The following AGBL4 variants were observed in gnomAD, a reference collection of about 807,000 sequenced individuals.
The protein encoded by AGBL4 is AGBL carboxypeptidase 4, also known as cytosolic carboxypeptidase 6.
A neutral mutation model predicts 66.4 loss-of-function variants in AGBL4; 58 were observed. The ratio of observed to expected loss-of-function variants is 0.87; its 90% CI spans 0.71 to 1.09. The LOEUF (loss-of-function observed/expected upper bound fraction) is 1.09. Ranked by LOEUF, AGBL4 falls within the 50% of genes least tolerant of loss-of-function variation. The probability of loss-of-function intolerance (pLI) is 0.00; values close to 1 mark genes in which losing one functional copy is unlikely to be tolerated. For missense variants in AGBL4, 579 were observed against 631.0 expected (o/e 0.92, Z 0.88); for synonymous variants, 234 against 222.9 (o/e 1.05, Z -0.44).
At chr1:49,389,101 C>T (rs1644796274) in intron 3 of AGBL4, among the ~76,000 whole-genome samples, 1 of 152,066 alleles carries the variant, frequency 6.6e-6, no homozygotes, top group African/African-American at 2.4e-5. Flanking sequence ...AATTGGCTTG[C>T]TTGAAGGTCC....
chr1:49,466,284 CAGTA>C (rs1646629677), intron 3 of AGBL4, among the ~76,000 whole-genome samples: 1 of 151,870 alleles, frequency 6.6e-6, no homozygotes, highest in African/African-American at 2.4e-5. Flanking sequence ...CATTCATAGG[CAGTA>C]CAGAAAACAG....
At chr1:48,894,102 C>T (rs979307341) in intron 5 of AGBL4, among the ~76,000 whole-genome samples, 8 of 152,170 alleles carry the variant, frequency 5.3e-5, no homozygotes, top group Admixed American at 5.2e-4. Context: ...TAGTCGACTT[C>T]AAAATGTGCA....
At chr1:49,227,346 C>T (rs948697359) in intron 4 of AGBL4, among the ~76,000 whole-genome samples, 4 of 152,186 alleles carry the variant, frequency 2.6e-5, no homozygotes, top group Non-Finnish European at 4.4e-5. Context: ...TTCTTCCTTG[C>T]TATCCCTGGT....
intron 5 of AGBL4, among the ~76,000 whole-genome samples, chr1:48,899,034 C>A (rs1031282647): frequency 1.4e-4 from 21 of 152,362 alleles, no homozygotes; most frequent in African/African-American, 3.8e-4. Flanking sequence ...GAACCTTGGA[C>A]GTGGCGGGGC....
intron 6 of AGBL4, among the ~76,000 whole-genome samples, chr1:48,773,920 G>C (rs1046699086): frequency 6.6e-6 from 1 of 152,210 alleles, no homozygotes; most frequent in African/African-American, 2.4e-5. Context: ...GTTTTTCCTT[G>C]AACTGGGATT....
At chr1:49,668,901 A>G (rs1646421244) in intron 3 of AGBL4, among the ~76,000 whole-genome samples, 1 of 152,202 alleles carries the variant, frequency 6.6e-6, no homozygotes, top group South Asian at 2.1e-4. Flanking sequence ...ACCCAGAGCT[A>G]TACTGGGGTG....
intron 7 of AGBL4, among the ~76,000 whole-genome samples, chr1:48,660,820 A>G: frequency 7.2e-6 from 1 of 138,648 alleles, no homozygotes; most frequent in East Asian, 2.0e-4. Flanking sequence ...ATGCACATCA[A>G]TTGTTGTGGG....
chr1:49,635,528 C>T (rs1235073579), intron 3 of AGBL4, among the ~76,000 whole-genome samples: 2 of 152,124 alleles, frequency 1.3e-5, no homozygotes, highest in Non-Finnish European at 2.9e-5. Flanking sequence ...ATTAAGAACT[C>T]TCCAAATCCG....
chr1:49,753,716 A>T (rs1571490368), intron 2 of AGBL4, among the ~76,000 whole-genome samples: 2 of 152,160 alleles, frequency 1.3e-5, no homozygotes, highest in East Asian at 3.9e-4. Flanking sequence ...AATCAAATGT[A>T]GGTCTGGTCT....
intron 3 of AGBL4, among the ~76,000 whole-genome samples, chr1:49,457,345 T>C (rs977744255): frequency 7.9e-5 from 12 of 151,876 alleles, no homozygotes; most frequent in Non-Finnish European, 1.6e-4. Context: ...CATTTTTCCA[T>C]ATGCTCATTA....
intron 1 of AGBL4, among the ~76,000 whole-genome samples, chr1:49,917,056 G>A (rs556220050): frequency 6.6e-6 from 1 of 152,022 alleles, no homozygotes; most frequent in Non-Finnish European, 1.5e-5. Context: ...GTCACCACCA[G>A]GCCTGCCCAA....
At chr1:48,591,089 C>T in intron 9 of AGBL4, 104 bp from the exon 10 acceptor site, 1 of 685,124 alleles carries the variant, frequency 1.5e-6, no homozygotes, top group South Asian at 2.1e-5. Flanking sequence ...CACACCCACC[C>T]ACCCCCCCCC....
At chr1:49,939,516 T>G (rs1654507335) in intron 1 of AGBL4, among the ~76,000 whole-genome samples, 2 of 151,476 alleles carry the variant, frequency 1.3e-5, no homozygotes, top group Admixed American at 1.3e-4. Context: ...TATAGATCAA[T>G]GGAACAGAAC....
At chr1:49,256,698 C>T (rs1332936792) in intron 3 of AGBL4, among the ~76,000 whole-genome samples, 4 of 151,898 alleles carry the variant, frequency 2.6e-5, no homozygotes, top group Admixed American at 2.6e-4. Flanking sequence ...TGCAGAAGGC[C>T]AAGAAAAGCA....
At chr1:48,733,751 GAA>G (rs1330073901) in intron 6 of AGBL4, among the ~76,000 whole-genome samples, 1 of 152,180 alleles carries the variant, frequency 6.6e-6, no homozygotes, top group South Asian at 2.1e-4. Flanking sequence ...AACATGGAGA[GAA>G]AGTGATTTAC....
At chr1:49,775,795 A>C (rs979106517) in intron 2 of AGBL4, among the ~76,000 whole-genome samples, 24 of 152,112 alleles carry the variant, frequency 1.6e-4, no homozygotes, top group African/African-American at 5.5e-4. Context: ...TCAATCTTAT[A>C]ATAACCTATA....
intron 3 of AGBL4, among the ~76,000 whole-genome samples, chr1:49,432,613 C>T (rs1298079113): frequency 1.3e-5 from 2 of 152,042 alleles, no homozygotes; most frequent in Non-Finnish European, 2.9e-5. Context: ...TACTATACAT[C>T]TATTTTACAT....
At chr1:49,333,055 A>G (rs151304388) in intron 3 of AGBL4, among the ~76,000 whole-genome samples, 1 of 152,302 alleles carries the variant, frequency 6.6e-6, no homozygotes, top group African/African-American at 2.4e-5. Context: ...TTGGCTGCAT[A>G]AATGTCTTCT....
intron 1 of AGBL4, 135 bp from the exon 2 acceptor site, chr1:49,851,653 TACA>T: frequency 2.4e-6 from 2 of 819,090 alleles, no homozygotes; most frequent in Non-Finnish European, 3.6e-6. Context: ...CACATTGTGG[TACA>T]GTGAAAAAAG....
Sources: gnomAD v4.1 joint callset for allele counts (sites outside exome capture counted in the v4.1 genomes callset) on GRCh38, gnomAD v4.1.1 for gene constraint, MANE v1.5 for transcripts, NCBI Gene and HGNC (gene_info 2026-07-23, HGNC 2026-07-21) for gene names.